Variants in EXOC5 observed in about 807,000 individuals in gnomAD.
EXOC5 encodes the protein SEC10-like 1.
Under a neutral mutation model 90.8 loss-of-function variants are expected in EXOC5, and 17 were observed. The ratio of observed to expected loss-of-function variants is 0.19; its 90% confidence interval spans 0.13 to 0.28. The LOEUF (loss-of-function observed/expected upper bound fraction) is 0.28, where lower values mean the gene tolerates loss of function less well. Ranked by LOEUF, EXOC5 falls within the 10% of genes least tolerant of loss-of-function variation. The pLI is 1.00. For missense variants in EXOC5, 569 were observed against 830.6 expected (o/e 0.69, Z 3.87); for synonymous variants, 260 against 270.0 (o/e 0.96, Z 0.36).
At chr14:57,263,722 G>C (rs1315306146) in intron 1 of EXOC5, among the ~76,000 whole-genome samples, 1 of 124,474 alleles carries the variant, frequency 8.0e-6, no homozygotes, top group Admixed American at 1.0e-4. Context: ...CTGAGATCAC[G>C]CCACTGCACT....
chr14:57,225,570 G>T (rs549989471), intron 12 of EXOC5, among the ~76,000 whole-genome samples: 1 of 138,972 alleles, frequency 7.2e-6, no homozygotes, highest in East Asian at 2.0e-4. Context: ...AATCTACACA[G>T]AAAAGCCAGT....
In EXOC5 at chr14:57,205,204, A is replaced by C. The variant is rs772692300; in HGVS notation, c.*3405T>G. ...TATAATTATCTTTATTATGCAGCAA[A>C]ATTTTTTAAATTGCTAACTTTTAAC... On this transcript the variant is annotated 3_prime_UTR_variant, in exon 18 of 18. Coordinates refer to ENST00000621441, the MANE Select transcript of EXOC5 (RefSeq NM_006544.4). 1.3e-5 allele frequency: 2 copies of C among 152,032 alleles called. No individual in the cohort carries two copies. Among genetic ancestry groups the C allele is most frequent in the Non-Finnish European group, 2.9e-5 (2 of 67,940 alleles). The allele number at this position is 152,032 out of a possible 1,614,324, so 9.4% of individuals were successfully genotyped here. A position where few individuals can be genotyped will look rare whatever the true frequency, so the allele number is the denominator to read the frequency against.
chr14:57,224,418 A>G (rs780304846), intron 12 of EXOC5, among the ~76,000 whole-genome samples: 1 of 152,226 alleles, frequency 6.6e-6, no homozygotes, highest in Non-Finnish European at 1.5e-5. Context: ...TACAGCTATT[A>G]AAAGGATAAG....
intron 12 of EXOC5, among the ~76,000 whole-genome samples, chr14:57,223,495 CTTATT>C (rs1449737870): frequency 6.6e-6 from 1 of 152,004 alleles, no homozygotes; most frequent in African/African-American, 2.4e-5. Context: ...CCTTCCTGGT[CTTATT>C]AATACTACCC....
intron 1 of EXOC5, among the ~76,000 whole-genome samples, chr14:57,263,586 C>T (rs367860487): frequency 1.0e-4 from 15 of 150,732 alleles, no homozygotes; most frequent in African/African-American, 3.2e-4. Flanking sequence ...GCCAACACAG[C>T]GAAAGCCCAT....
At position 57,219,444 on chromosome 14, in the gene EXOC5, TA is replaced by T; in HGVS notation, c.1406-3del. 1 of 1,571,644 alleles carries T rather than the reference TA, an allele frequency of 6.4e-7. No homozygotes were observed. Among genetic ancestry groups the T allele is most frequent in the Non-Finnish European group, 8.6e-7 (1 of 1,160,624 alleles). ...TCCTAGAATCTGAAGAGGGAATTCC[TA>T]AAACCAGAAAGCATACATATGTTAG... On this transcript the variant is annotated splice_region_variant and splice_polypyrimidine_tract_variant and intron_variant, in intron 13 of 17. Transcript: ENST00000621441.
intron 7 of EXOC5, among the ~76,000 whole-genome samples, chr14:57,234,551 A>G (rs1040945274): frequency 1.3e-4 from 19 of 145,258 alleles, no homozygotes; most frequent in South Asian, 2.2e-4. Context: ...ATATATATAT[A>G]TGTGTATATA....
At chr14:57,234,390 T>C (rs568207622) in intron 7 of EXOC5, among the ~76,000 whole-genome samples, 44 of 151,044 alleles carry the variant, frequency 2.9e-4, no homozygotes, top group African/African-American at 9.4e-4. Context: ...CCCACACACA[T>C]ACACACAAAC....
chr14:57,229,004 T>G (rs1236178204), intron 12 of EXOC5, among the ~76,000 whole-genome samples: 3 of 152,162 alleles, frequency 2.0e-5, no homozygotes, highest in Admixed American at 2.0e-4. Flanking sequence ...TAAACTGTGT[T>G]TATTAGAGAG....
At chr14:57,212,152 A>T (rs979737213) in intron 15 of EXOC5, among the ~76,000 whole-genome samples, 1 of 152,194 alleles carries the variant, frequency 6.6e-6, no homozygotes, top group Non-Finnish European at 1.5e-5. Context: ...GGCCTGAGCC[A>T]CCATGCCCAC....
chr14:57,209,828 T>C (rs755341530), intron 16 of EXOC5, 46 bp from the exon 17 acceptor site: 1 of 1,390,770 alleles, frequency 7.2e-7, no homozygotes, highest in South Asian at 1.3e-5. Flanking sequence ...GTATACCAGC[T>C]TAGCTAAAGA....
rs1882651355 is a variant in EXOC5 at position 57,206,350 on chromosome 14, A to C, written c.*2259T>G. On this transcript the variant is annotated 3_prime_UTR_variant, in exon 18 of 18. Coordinates refer to ENST00000621441, the MANE Select transcript of EXOC5 (RefSeq NM_006544.4). ...ATATGAAAACACTTAAAAAATCAGAATACAAAGAATGCATATTGCCTCACA... is the reference window on the plus strand; with the variant it reads ...ATATGAAAACACTTAAAAAATCAGACTACAAAGAATGCATATTGCCTCACA... 6.1e-6 allele frequency: 1 copy of C among 164,908 alleles called. No individual in the cohort carries two copies. The highest frequency in any genetic ancestry group is 1.3e-5 in the Non-Finnish European group (1 of 76,590). 10.2% of individuals were successfully genotyped at this position (164,908 alleles called of 1,614,324 possible). A position where few individuals can be genotyped will look rare whatever the true frequency, so the allele number is the denominator to read the frequency against.
chr14:57,208,264 T>C lies in EXOC5; in HGVS notation c.*345A>G, dbSNP rs554772745. 5.0e-4 allele frequency: 92 copies of C among 183,422 alleles called. No individual in the cohort carries two copies. The highest frequency in any genetic ancestry group is 9.2e-4 in the Non-Finnish European group (81 of 88,398). The allele number at this position is 183,422 out of a possible 1,614,324, so 11.4% of individuals were successfully genotyped here. On this transcript the variant is annotated 3_prime_UTR_variant, in exon 18 of 18. Coordinates refer to ENST00000621441, the MANE Select transcript of EXOC5 (RefSeq NM_006544.4). ...ATTTCTAAATGGAATATGTTAAAAG[T>C]ACAAGAACCGAAAACACTGGTAACA...
In EXOC5 at chr14:57,219,122, G is replaced by A. The variant is rs528982826; in HGVS notation, c.1526+200C>T. Among the ~76,000 whole-genome samples the A allele has an allele frequency of 7.0e-3, 1,072 of 152,128 alleles. 8 individuals carry two copies. Among genetic ancestry groups the A allele is most frequent in the Non-Finnish European group, 0.011 (751 of 67,920 alleles). ...ACCAAAATTAATAATATAGTGGAAA[G>A]AGAAAACAGAAATGCAAGAAGAAAC... On this transcript the variant is annotated intron_variant, in intron 14 of 17. Coordinates refer to ENST00000621441, the MANE Select transcript of EXOC5 (RefSeq NM_006544.4).
Position 57,246,757 on chromosome 14 carries a change from G to A in EXOC5, c.224C>T (p.Ala75Val), listed in dbSNP as rs765179397. The change falls in exon 3 of 18, where the codon GCC (alanine) becomes GTC (valine). Residue 75 changes from alanine to valine, a missense_variant. Transcript: ENST00000621441. The stretch of plus-strand genomic sequence containing the variant: ...TTGTACCTTCTTGGCAAATTCCTTG[G>A]CTTCTTTCTGACATTGTTGCTCTAG... ...EKLEQQCQKE[A>V]KEFAKKVQEL... The A allele has an allele frequency of 6.2e-7, 1 of 1,610,680 alleles. No individual in the cohort carries two copies. The highest frequency in any genetic ancestry group is 8.5e-7 in the Non-Finnish European group (1 of 1,179,144).
chr14:57,250,921 T>C (rs1884170102), intron 1 of EXOC5, among the ~76,000 whole-genome samples: 1 of 152,232 alleles, frequency 6.6e-6, no homozygotes, highest in Non-Finnish European at 1.5e-5. Flanking sequence ...CAGTCTCTGT[T>C]ACAACCATTC....
intron 1 of EXOC5, 197 bp downstream of exon 1, chr14:57,268,425 C>T: frequency 6.9e-7 from 1 of 1,444,726 alleles, no homozygotes; most frequent in Non-Finnish European, 9.1e-7. Flanking sequence ...GCCCAGCCCA[C>T]CTCGGCCCCA....
rs556588586 is a variant in EXOC5, at chr14:57,252,712, G to A, written c.28-5000C>T. Among the ~76,000 whole-genome samples, 6 of 152,196 alleles carry A rather than the reference G, an allele frequency of 3.9e-5. No homozygotes were observed. The East Asian group carries it at 7.7e-4, about 20-fold the overall frequency. ...GAATGTAAATTACCACAGCCATTAC[G>A]AAAAATGTTATGGCGGTTCCTGAAA... On this transcript the variant is annotated intron_variant, in intron 1 of 17. Transcript: ENST00000621441.
intron 1 of EXOC5, among the ~76,000 whole-genome samples, chr14:57,260,479 CTATT>C (rs1884468077): frequency 2.0e-5 from 3 of 152,164 alleles, no homozygotes; most frequent in Middle Eastern, 3.4e-3. Flanking sequence ...GTTTTGAAGA[CTATT>C]TAAACGATGG....
Sources: allele counts gnomAD v4.1 joint callset (sites outside exome capture counted in the v4.1 genomes callset), GRCh38; gene constraint gnomAD v4.1.1; transcripts MANE v1.5; gene names NCBI Gene and HGNC (gene_info 2026-07-23, HGNC 2026-07-21).